CDC14B: variants seen among roughly 807,000 people sequenced by gnomAD.
CDC14B encodes dual specificity protein phosphatase CDC14B.
Under a neutral mutation model 64.2 loss-of-function variants are expected in CDC14B, and 22 were observed. That is an observed-to-expected ratio of 0.34 (90% CI 0.24 to 0.49). CDC14B has a LOEUF of 0.49. Ranked by LOEUF, CDC14B falls within the 20% of genes least tolerant of loss-of-function variation. CDC14B has a pLI of 0.99. For synonymous variants in CDC14B, 191 were observed against 215.8 expected, an observed-to-expected ratio of 0.89 and a Z score of 1.01; for missense variants, 498 against 629.9, an observed-to-expected ratio of 0.79 and a Z score of 2.24.
At chr9:96,606,527 T>C (rs979058620) in intron 1 of CDC14B, among the ~76,000 whole-genome samples, 4 of 112,758 alleles carry the variant, frequency 3.5e-5, no homozygotes, top group Admixed American at 1.0e-4. Flanking sequence ...TACTAAAAGT[T>C]TGTGTGTGTG....
rs1414855067 is a variant in CDC14B, at chr9:96,492,078, C to T, written c.*1255G>A. ...TGGACCACAGTGCCCCGGCCGGACTCCTCAGGTGCTTGTGACGTGGGTGTG... is the reference window on the plus strand; with the variant it reads ...TGGACCACAGTGCCCCGGCCGGACTTCTCAGGTGCTTGTGACGTGGGTGTG... On this transcript the variant is annotated 3_prime_UTR_variant and NMD_transcript_variant, in exon 14 of 14. Coordinates refer to the CDC14B transcript ENST00000474602. 2.6e-5 allele frequency: 4 copies of T among 152,464 alleles called. No individual in the cohort carries two copies. In the East Asian group the frequency reaches 5.8e-4, roughly 22 times the overall value. 9.4% of individuals were successfully genotyped at this position (152,464 alleles called of 1,614,324 possible). A position where few individuals can be genotyped will look rare whatever the true frequency, so the allele number is the denominator to read the frequency against.
intron 1 of CDC14B, chr9:96,618,716 T>C: frequency 2.4e-6 from 1 of 419,718 alleles, no homozygotes; most frequent in East Asian, 6.2e-5. Flanking sequence ...GCGCCCAGGG[T>C]CCCAAGGCTA....
At chr9:96,563,423 C>A (rs1196658887) in intron 3 of CDC14B, among the ~76,000 whole-genome samples, 1 of 152,164 alleles carries the variant, frequency 6.6e-6, no homozygotes, top group South Asian at 2.1e-4. Context: ...GAGGCTGAGG[C>A]GGATGGATCA....
At chr9:96,611,867 G>A (rs192442274) in intron 1 of CDC14B, among the ~76,000 whole-genome samples, 140 of 152,204 alleles carry the variant, frequency 9.2e-4, no homozygotes, top group African/African-American at 3.1e-3. Context: ...TAACCACTCT[G>A]AAAATTTATA....
chr9:96,553,342 GTTTC>G (rs750815645), intron 4 of CDC14B, among the ~76,000 whole-genome samples: 2 of 149,822 alleles, frequency 1.3e-5, no homozygotes, highest in African/African-American at 4.9e-5. Context: ...GCCTGTTTCT[GTTTC>G]TTTCTTTTCT....
chr9:96,607,103 C>T lies in CDC14B; in HGVS notation c.160+12116G>A, dbSNP rs12348472. ...TTGATTAAAAAAAACAAAAAAAAAT[C>T]TGAGTTTATTGGGAATTTAATGGTT... On this transcript the variant is annotated intron_variant, in intron 1 of 13. Transcript: ENST00000375241. 9.9e-5 allele frequency among the ~76,000 whole-genome samples: 15 copies of T among 151,766 alleles called. No individual in the cohort carries two copies. In the South Asian group the frequency reaches 1.7e-3, roughly 17 times the overall value.
intron 1 of CDC14B, among the ~76,000 whole-genome samples, chr9:96,595,663 AG>A (rs1456425034): frequency 3.9e-5 from 6 of 152,234 alleles, no homozygotes; most frequent in Non-Finnish European, 8.8e-5. Context: ...ACTATAAAAT[AG>A]GTGGACCTCA....
At chr9:96,559,251 C>T (rs1339004740) in intron 4 of CDC14B, among the ~76,000 whole-genome samples, 5 of 152,202 alleles carry the variant, frequency 3.3e-5, no homozygotes, top group Non-Finnish European at 7.3e-5. Context: ...GAAGGAAACA[C>T]GTTACTTTCA....
intron 6 of CDC14B, among the ~76,000 whole-genome samples, chr9:96,540,469 C>T (rs1279340130): frequency 2.6e-5 from 4 of 151,122 alleles, no homozygotes; most frequent in Non-Finnish European, 5.9e-5. Flanking sequence ...CTCATCTCCA[C>T]AAAAAATATA....
chr9:96,591,277 G>T (rs972948368), intron 1 of CDC14B, among the ~76,000 whole-genome samples: 1 of 152,132 alleles, frequency 6.6e-6, no homozygotes, highest in African/African-American at 2.4e-5. Context: ...ATTAATTTTT[G>T]TATCTAGGGT....
At chr9:96,561,188 C>T (rs1183036334) in intron 4 of CDC14B, among the ~76,000 whole-genome samples, 2 of 152,156 alleles carry the variant, frequency 1.3e-5, no homozygotes, top group South Asian at 2.1e-4. Flanking sequence ...CTGCCTGCCT[C>T]GGCCTCCCAA....
intron 1 of CDC14B, among the ~76,000 whole-genome samples, chr9:96,616,000 T>C (rs1002866487): frequency 6.6e-6 from 1 of 152,194 alleles, no homozygotes; most frequent in Non-Finnish European, 1.5e-5. Flanking sequence ...ACTAAATAAA[T>C]CATGATTTGG....
At chr9:96,529,072 T>C (rs1838023280) in intron 9 of CDC14B, among the ~76,000 whole-genome samples, 1 of 152,208 alleles carries the variant, frequency 6.6e-6, no homozygotes, top group African/African-American at 2.4e-5. Flanking sequence ...TAGTATACTT[T>C]GATGCACAAA....
Position 96,522,053 on chromosome 9 carries a change from G to A in CDC14B, c.1343+453C>T, listed in dbSNP as rs182211476. 1.7e-3 allele frequency among the ~76,000 whole-genome samples: 264 copies of A among 152,124 alleles called. 2 individuals are homozygous for A. The highest frequency in any genetic ancestry group is 0.011 in the South Asian group (55 of 4,826). On this transcript the variant is annotated intron_variant, in intron 12 of 13. Transcript: ENST00000375241. ...AAAATCATTCCCCAAAGAAACAAAC[G>A]AAAAACCCAAAATATAGTTTAGACC...
At chr9:96,544,741 C>G (rs2131920070) in intron 5 of CDC14B, among the ~76,000 whole-genome samples, 1 of 152,284 alleles carries the variant, frequency 6.6e-6, no homozygotes, top group East Asian at 1.9e-4. Flanking sequence ...AAGCACTCTG[C>G]CTGCCTCAGC....
intron 7 of CDC14B, 84 bp downstream of exon 7, chr9:96,538,994 T>C (rs1014885795): frequency 1.5e-5 from 13 of 846,294 alleles, no homozygotes; most frequent in Non-Finnish European, 2.4e-5. Flanking sequence ...CTTAAGTATA[T>C]ATAAGTTTTA....
chr9:96,581,920 C>T (rs191916014), intron 1 of CDC14B, among the ~76,000 whole-genome samples: 4 of 152,260 alleles, frequency 2.6e-5, no homozygotes, highest in Admixed American at 1.3e-4. Flanking sequence ...ATAACAACTC[C>T]AGCTAGTTGC....
chr9:96,513,703 T>A (rs924514112), intron 12 of CDC14B, among the ~76,000 whole-genome samples: 5 of 152,230 alleles, frequency 3.3e-5, no homozygotes, highest in Admixed American at 2.6e-4. Flanking sequence ...CTATGCACTA[T>A]GTATACTGGC....
At chr9:96,505,594 G>A (rs1180556312) in intron 13 of CDC14B, among the ~76,000 whole-genome samples, 3 of 152,124 alleles carry the variant, frequency 2.0e-5, no homozygotes, top group Non-Finnish European at 4.4e-5. Context: ...AAAACAGGCC[G>A]ATTCAACGGA....
Sources: allele counts gnomAD v4.1 joint callset (sites outside exome capture counted in the v4.1 genomes callset), GRCh38; gene constraint gnomAD v4.1.1; transcripts MANE v1.5; gene names NCBI Gene and HGNC (gene_info 2026-07-23, HGNC 2026-07-21).